The following SPIRE1 variants were observed in gnomAD, a reference collection of about 807,000 sequenced individuals.
The protein encoded by SPIRE1 is spire type actin nucleation factor 1.
A neutral mutation model predicts 94.1 loss-of-function variants in SPIRE1; 40 were observed. The observed-to-expected ratio is 0.43, with a 90% confidence interval of 0.33 to 0.55. The LOEUF (loss-of-function observed/expected upper bound fraction) is 0.55. SPIRE1 is among the 20% of genes least tolerant of loss of function. The pLI is 0.06. For synonymous variants in SPIRE1, 376 were observed against 371.7 expected, an observed-to-expected ratio of 1.01 and a Z score of -0.13; for missense variants, 838 against 975.2, an observed-to-expected ratio of 0.86 and a Z score of 1.87.
chr18:12,530,598 G>A (rs992036200), intron 4 of SPIRE1, among the ~76,000 whole-genome samples: 1 of 152,142 alleles, frequency 6.6e-6, no homozygotes, highest in Non-Finnish European at 1.5e-5. Flanking sequence ...ACAGAAGTGA[G>A]CCACTGAGCG....
intron 2 of SPIRE1, among the ~76,000 whole-genome samples, chr18:12,547,795 A>C (rs1047584014): frequency 6.6e-6 from 1 of 152,086 alleles, no homozygotes; most frequent in Non-Finnish European, 1.5e-5. Flanking sequence ...TACAAAAATG[A>C]GCTGGGCGTG....
rs773757114 is a variant in SPIRE1 at position 12,546,789 on chromosome 18, G to A, written c.488C>T (p.Thr163Met). ...ATCATTGCTACCGTCAGCTTCCACCGTGTTGGCCATGTGATCGATAAGCTG... is the reference window on the plus strand; with the variant it reads ...ATCATTGCTACCGTCAGCTTCCACCATGTTGGCCATGTGATCGATAAGCTG... Reference protein sequence around the residue: ...LEQLIDHMANTVEADGSNDEG... With the variant: ...LEQLIDHMANMVEADGSNDEG... The change falls in exon 3 of 17, where the codon ACG becomes ATG. Residue 163 changes from threonine to methionine, a missense_variant. Physicochemically the swap from Thr to Met is moderately conservative, Grantham distance 81. Around this residue, in one of 2 missense-constraint regions of SPIRE1, gnomAD observed 645 missense variants for 804.7 expected, o/e 0.80. Coordinates refer to ENST00000409402, the MANE Select transcript of SPIRE1 (RefSeq NM_001128626.2). 21 of 1,613,742 alleles carry A rather than the reference G, an allele frequency of 1.3e-5. No homozygotes were observed. Among genetic ancestry groups the A allele is most frequent in the Admixed American group, 3.3e-5 (2 of 59,968 alleles).
intron 2 of SPIRE1, among the ~76,000 whole-genome samples, chr18:12,569,645 A>G (rs2035914364): frequency 1.3e-5 from 2 of 151,656 alleles, no homozygotes; most frequent in African/African-American, 4.8e-5. Context: ...ACAAAAAAAA[A>G]AAACAAGAGA....
At chr18:12,570,666 A>G (rs1483390625) in intron 2 of SPIRE1, among the ~76,000 whole-genome samples, 1 of 152,246 alleles carries the variant, frequency 6.6e-6, no homozygotes, top group East Asian at 1.9e-4. Context: ...TAACAAAGCC[A>G]GGCTGGAGTC....
chr18:12,493,908 T>C (rs1416660302), intron 7 of SPIRE1, among the ~76,000 whole-genome samples: 2 of 151,550 alleles, frequency 1.3e-5, no homozygotes, highest in Non-Finnish European at 2.9e-5. Flanking sequence ...TTGTTTTGTT[T>C]TGTTTTTTGT....
chr18:12,566,796 A>G (rs2035831015), intron 2 of SPIRE1, among the ~76,000 whole-genome samples: 2 of 152,152 alleles, frequency 1.3e-5, no homozygotes, highest in African/African-American at 4.8e-5. Flanking sequence ...TCAACCCTCT[A>G]CAATCTACCT....
intron 2 of SPIRE1, among the ~76,000 whole-genome samples, chr18:12,578,035 T>G (rs1208041808): frequency 2.6e-5 from 4 of 152,176 alleles, no homozygotes; most frequent in Non-Finnish European, 4.4e-5. Context: ...TGACTAAAAT[T>G]AAAAATACTA....
chr18:12,517,845 A>G (rs2034240428), intron 4 of SPIRE1, among the ~76,000 whole-genome samples: 1 of 152,078 alleles, frequency 6.6e-6, no homozygotes, highest in Admixed American at 6.5e-5. Context: ...TTATTCACAT[A>G]TATGTTCATA....
intron 8 of SPIRE1, among the ~76,000 whole-genome samples, chr18:12,492,359 T>G (rs2033265461): frequency 6.6e-6 from 1 of 152,294 alleles, no homozygotes; most frequent in East Asian, 1.9e-4. Flanking sequence ...TCTTACAAAC[T>G]GAAAGACAGT....
chr18:12,583,926 CAAAAAAACAAAAACAAACA>C (rs1453203828), intron 2 of SPIRE1, among the ~76,000 whole-genome samples: 1 of 150,164 alleles, frequency 6.7e-6, no homozygotes, highest in Non-Finnish European at 1.5e-5. Context: ...GACCTTGTCT[CAAAAAAACAAAAACAAACA>C]AAAAAAACAA....
chr18:12,659,782 G>A (rs1456464303), upstream of SPIRE1, among the ~76,000 whole-genome samples: 2 of 152,138 alleles, frequency 1.3e-5, no homozygotes, highest in African/African-American at 4.8e-5. Flanking sequence ...CTTAATTATA[G>A]GTTCATAATC....
In SPIRE1 at chr18:12,640,293, C is replaced by G. The variant is rs559340088; in HGVS notation, c.338-5197G>C. ...AATGGTTCTCAGAATTATTCTCCAGCTTTTTACTATGTGACCAAATTCTAG... is the reference window on the plus strand; with the variant it reads ...AATGGTTCTCAGAATTATTCTCCAGGTTTTTACTATGTGACCAAATTCTAG... On this transcript the variant is annotated intron_variant, in intron 1 of 16. Coordinates refer to ENST00000409402, the MANE Select transcript of SPIRE1 (RefSeq NM_001128626.2). Among the ~76,000 whole-genome samples the G allele has an allele frequency of 5.3e-5, 8 of 152,308 alleles. No homozygotes were observed. The South Asian group carries it at 1.7e-3, about 32-fold the overall frequency.
chr18:12,499,851 G>A (rs893256611), intron 6 of SPIRE1, among the ~76,000 whole-genome samples: 1 of 152,196 alleles, frequency 6.6e-6, no homozygotes, highest in African/African-American at 2.4e-5. Context: ...TTATCTATCT[G>A]TCAGGGGTCC....
chr18:12,539,879 A>T (rs1463498411), intron 3 of SPIRE1, among the ~76,000 whole-genome samples: 1 of 151,084 alleles, frequency 6.6e-6, no homozygotes, highest in African/African-American at 2.4e-5. Context: ...GTGAGCCGAG[A>T]TCACGCCACT....
At position 12,485,987 on chromosome 18, in the gene SPIRE1, A is replaced by C. The variant is rs781248714; in HGVS notation, c.1203T>G (p.Leu401=). The change falls in exon 9 of 17, where the codon CTT becomes CTG. Residue 401 remains leucine (L), a synonymous_variant. Coordinates refer to ENST00000409402, the MANE Select transcript of SPIRE1 (RefSeq NM_001128626.2). ...ACAAGTCAAAACTGTAAGACATGCT[A>C]AGTGGCCGCATTGCTGAAAAAAAGA... is the stretch of plus-strand genomic sequence containing the variant. ...IRRSRLAMRP[L]SMSYSFDLSD... The C allele has an allele frequency of 6.6e-7, 1 of 1,523,906 alleles. No individual in the cohort carries two copies. The highest frequency in any genetic ancestry group is 1.3e-5 in the South Asian group (1 of 78,476). 94.4% of individuals were successfully genotyped at this position (1,523,906 alleles called of 1,614,324 possible). A position where few individuals can be genotyped will look rare whatever the true frequency, so the allele number is the denominator to read the frequency against.
intron 4 of SPIRE1, among the ~76,000 whole-genome samples, chr18:12,530,281 T>C (rs966556930): frequency 3.9e-5 from 6 of 152,178 alleles, no homozygotes; most frequent in Non-Finnish European, 8.8e-5. Flanking sequence ...GTTGAATAAA[T>C]AGAACAAAAA....
chr18:12,635,164 T>A, intron 1 of SPIRE1, 68 bp from the exon 2 acceptor site: 1 of 853,738 alleles, frequency 1.2e-6, no homozygotes. Flanking sequence ...ATAAAAATAT[T>A]TGAGCTTCTC....
chr18:12,505,049 G>A (rs1053856906), intron 6 of SPIRE1, among the ~76,000 whole-genome samples: 5 of 152,190 alleles, frequency 3.3e-5, no homozygotes, highest in Non-Finnish European at 7.3e-5. Flanking sequence ...GCCGGCCACG[G>A]TAAGGACATG....
At position 12,557,623 on chromosome 18, in the gene SPIRE1, A is replaced by G. The variant is rs185735444; in HGVS notation, c.373-10719T>C. Among the ~76,000 whole-genome samples, 566 of 152,296 alleles carry G rather than the reference A, an allele frequency of 3.7e-3. 2 individuals are homozygous for G. The highest frequency in any genetic ancestry group is 6.8e-3 in the African/African-American group (283 of 41,570). On this transcript the variant is annotated intron_variant, in intron 2 of 16. Transcript: ENST00000409402. ...CAGTGGCAGGCTGAAGGGCTCCTCA[A>G]GTGCAGCGAGAGTGGATGCTGAGGC... is the stretch of plus-strand genomic sequence containing the variant.
Sources: allele counts gnomAD v4.1 joint callset (sites outside exome capture counted in the v4.1 genomes callset), GRCh38; gene constraint gnomAD v4.1.1; regional missense constraint gnomAD v4.1.1; transcripts MANE v1.5; gene names NCBI Gene and HGNC (gene_info 2026-07-23, HGNC 2026-07-21).